RAC1: variants seen among roughly 807,000 people sequenced by gnomAD.
The protein encoded by RAC1 is ras-related C3 botulinum toxin substrate 1.
Under a neutral mutation model 25.2 loss-of-function variants are expected in RAC1, and 2 were observed. The observed-to-expected ratio is 0.08, with a 90% CI of 0.03 to 0.25. RAC1 has a LOEUF of 0.25. Ranked by LOEUF, RAC1 falls within the 10% of genes least tolerant of loss-of-function variation. The pLI, the probability that RAC1 is intolerant of heterozygous loss-of-function variation, is 1.00. For synonymous variants in RAC1, 88 were observed against 94.0 expected (o/e 0.94, Z 0.37); for missense variants, 50 against 235.7 (o/e 0.21, Z 5.16).
At chr7:6,379,109 A>C (rs1166736815) in intron 1 of RAC1, among the ~76,000 whole-genome samples, 2 of 152,028 alleles carry the variant, frequency 1.3e-5, no homozygotes, top group African/African-American at 4.8e-5. Context: ...AAAAAAAGAC[A>C]GCATCTTACA....
rs200090416 is a variant in RAC1 at position 6,385,388 on chromosome 7, GA to G, written c.36-1815del. Among the ~76,000 whole-genome samples the G allele has an allele frequency of 4.7e-3, 715 of 150,618 alleles. 1 individual carries two copies. The highest frequency in any genetic ancestry group is 0.017 in the African/African-American group (691 of 41,042). On this transcript the variant is annotated intron_variant, in intron 1 of 5. Transcript: ENST00000348035. ...GTAGTTCTGCATTAATTTTGCAGGT[GA>G]AAAAAAAAGGCATGAGGAAGTTGAA...
intron 3 of RAC1, among the ~76,000 whole-genome samples, chr7:6,397,676 C>G (rs538861787): frequency 1.6e-4 from 25 of 152,288 alleles, no homozygotes; most frequent in Admixed American, 2.6e-4. Flanking sequence ...GTGATAAACA[C>G]TGGAAGTGTC....
intron 1 of RAC1, among the ~76,000 whole-genome samples, chr7:6,383,330 TC>T (rs1020971943): frequency 4.3e-4 from 66 of 152,248 alleles, no homozygotes; most frequent in African/African-American, 1.6e-3. Flanking sequence ...ATAACCTTTT[TC>T]TTTTACCTAT....
intron 1 of RAC1, among the ~76,000 whole-genome samples, chr7:6,383,524 G>T (rs1782831581): frequency 1.3e-5 from 2 of 152,092 alleles, no homozygotes; most frequent in African/African-American, 2.4e-5. Flanking sequence ...GTCAGTATCA[G>T]ATTATGCCAG....
rs14627 is a variant in RAC1, at chr7:6,403,805, A to G, written c.*1359A>G. ...GCTAGTGCTGACGATGTTCTGTACAACTTAACTCACTGGCGAGAATACAGC... is the reference window on the plus strand; with the variant it reads ...GCTAGTGCTGACGATGTTCTGTACAGCTTAACTCACTGGCGAGAATACAGC... On this transcript the variant is annotated 3_prime_UTR_variant, in exon 6 of 6. Transcript: ENST00000348035. 3,392 of 216,374 alleles carry G rather than the reference A, an allele frequency of 0.016. 130 individuals are homozygous for G. The highest frequency in any genetic ancestry group is 0.072 in the African/African-American group (3,178 of 44,438). 13.4% of individuals were successfully genotyped at this position (216,374 alleles called of 1,614,324 possible).
At chr7:6,397,282 T>C (rs528048301) in intron 3 of RAC1, among the ~76,000 whole-genome samples, 2 of 148,496 alleles carry the variant, frequency 1.3e-5, no homozygotes, top group African/African-American at 5.0e-5. Flanking sequence ...AAAGCTTGAG[T>C]GAGATGAAAT....
At chr7:6,376,787 T>G (rs200908732) in intron 1 of RAC1, among the ~76,000 whole-genome samples, 24,609 of 147,492 alleles carry the variant, frequency 0.17, 2,429 homozygotes, top group Non-Finnish European at 0.23. Context: ...CTGTTTTTTT[T>G]TTTTTTTTTT....
chr7:6,386,585 C>T (rs917778562), intron 1 of RAC1, among the ~76,000 whole-genome samples: 1 of 151,778 alleles, frequency 6.6e-6, no homozygotes, highest in Non-Finnish European at 1.5e-5. Flanking sequence ...AGTTCGAGAC[C>T]AGCCTGGCCA....
intron 1 of RAC1, among the ~76,000 whole-genome samples, chr7:6,383,552 C>T (rs1190459679): frequency 1.3e-5 from 2 of 152,012 alleles, no homozygotes; most frequent in Non-Finnish European, 2.9e-5. Context: ...AATTTCTTCC[C>T]GGTTGAGCCT....
At chr7:6,389,105 G>A (rs532181574) in intron 2 of RAC1, among the ~76,000 whole-genome samples, 1 of 152,098 alleles carries the variant, frequency 6.6e-6, no homozygotes, top group African/African-American at 2.4e-5. Context: ...AGGAGGCTGA[G>A]GCATGAGAAT....
At chr7:6,379,584 A>G (rs905553796) in intron 1 of RAC1, among the ~76,000 whole-genome samples, 1 of 151,904 alleles carries the variant, frequency 6.6e-6, no homozygotes, top group African/African-American at 2.4e-5. Context: ...AATTTTTTGT[A>G]TTTTTAATAG....
chr7:6,383,143 G>T (rs1014179180), intron 1 of RAC1, among the ~76,000 whole-genome samples: 11 of 152,174 alleles, frequency 7.2e-5, no homozygotes, highest in Admixed American at 4.6e-4. Flanking sequence ...TTCCAAAGAA[G>T]TAGTAACTAC....
At chr7:6,398,859 A>G (rs1030561475) in intron 3 of RAC1, 10 of 817,952 alleles carry the variant, frequency 1.2e-5, no homozygotes, top group African/African-American at 5.2e-5. Flanking sequence ...GTTTTGCTTG[A>G]TGAAATAAAC....
intron 3 of RAC1, among the ~76,000 whole-genome samples, chr7:6,394,395 G>C (rs34506050): frequency 6.6e-6 from 1 of 152,136 alleles, no homozygotes. Context: ...CTCATCTTCA[G>C]TTGCTATGCA....
intron 2 of RAC1, among the ~76,000 whole-genome samples, chr7:6,390,034 C>CCTCCTCTCCTA (rs1301105727): frequency 1.6e-5 from 1 of 62,080 alleles, no homozygotes; most frequent in Admixed American, 1.9e-4. Context: ...CTACTCCTTC[C>CCTCCTCTCCTA]CTCCTTCCCT....
chr7:6,402,132 C>T, intron 5 of RAC1, 105 bp downstream of exon 5: 2 of 1,448,868 alleles, frequency 1.4e-6, no homozygotes, highest in East Asian at 4.6e-5. Context: ...CACTCAGGGC[C>T]TGGTGTACTC....
chr7:6,400,024 C>T, intron 3 of RAC1, 102 bp from the exon 4 acceptor site: 7 of 1,052,088 alleles, frequency 6.7e-6, no homozygotes, highest in East Asian at 2.4e-5. Flanking sequence ...GGTAGACACG[C>T]TCTGCGTCCA....
At chr7:6,389,941 C>T (rs1366607711) in intron 2 of RAC1, among the ~76,000 whole-genome samples, 1 of 144,218 alleles carries the variant, frequency 6.9e-6, no homozygotes, top group African/African-American at 2.5e-5. Context: ...TTCCTTCCCT[C>T]CCTCCCTCTC....
At chr7:6,401,798 TG>T in intron 4 of RAC1, 69 bp from the exon 5 acceptor site, 1 of 1,521,564 alleles carries the variant, frequency 6.6e-7, no homozygotes, top group South Asian at 1.3e-5. Flanking sequence ...TGCCGCCGGC[TG>T]GGTGTGATTT....
Sources: gnomAD v4.1 joint callset for allele counts (sites outside exome capture counted in the v4.1 genomes callset) on GRCh38, gnomAD v4.1.1 for gene constraint, MANE v1.5 for transcripts, NCBI Gene and HGNC (gene_info 2026-07-23, HGNC 2026-07-21) for gene names.